DNAH9: variants seen among roughly 807,000 people sequenced by gnomAD.
DNAH9 encodes the protein dynein axonemal heavy chain 9.
A neutral mutation model predicts 471.6 loss-of-function variants in DNAH9; 345 were observed. That is an observed-to-expected ratio of 0.73 (90% CI 0.67 to 0.80). The LOEUF (loss-of-function observed/expected upper bound fraction) is 0.80, where lower values mean the gene tolerates loss of function less well. DNAH9 is among the 30% of genes least tolerant of loss of function. The pLI, the probability that DNAH9 is intolerant of heterozygous loss-of-function variation, is 0.00. For synonymous variants in DNAH9, 2,093 were observed against 2,123.6 expected, an observed-to-expected ratio of 0.99 and a Z score of 0.40; for missense variants, 5,407 against 5,609.2, an observed-to-expected ratio of 0.96 and a Z score of 1.15.
At chr17:11,774,863 TTGAG>T in intron 38 of DNAH9, among the ~76,000 whole-genome samples, 1 of 152,306 alleles carries the variant, frequency 6.6e-6, no homozygotes, top group Admixed American at 6.5e-5. Flanking sequence ...AAAAACTATA[TTGAG>T]TTATAATCGA....
At chr17:11,699,009 G>T (rs1427390856) in intron 22 of DNAH9, among the ~76,000 whole-genome samples, 1 of 152,066 alleles carries the variant, frequency 6.6e-6, no homozygotes, top group African/African-American at 2.4e-5. Flanking sequence ...CCAGCACTTT[G>T]GGAGGCCAAG....
chr17:11,951,322 C>A (rs62062003), intron 67 of DNAH9, among the ~76,000 whole-genome samples: 69,925 of 151,986 alleles, frequency 0.46, 16,429 homozygotes, highest in Middle Eastern at 0.57. Context: ...TTCTTAACCA[C>A]AGGTTGGCAA....
At chr17:11,782,734 T>C (rs941639430) in intron 39 of DNAH9, among the ~76,000 whole-genome samples, 1 of 152,036 alleles carries the variant, frequency 6.6e-6, no homozygotes, top group African/African-American at 2.4e-5. Context: ...CTGTCTCTAC[T>C]AAAAATATAA....
intron 28 of DNAH9, among the ~76,000 whole-genome samples, chr17:11,728,974 G>T (rs1043417641): frequency 2.6e-5 from 4 of 152,178 alleles, no homozygotes; most frequent in African/African-American, 9.7e-5. Flanking sequence ...CTGATGTGGT[G>T]TCTAGTGGGT....
At position 11,654,355 on chromosome 17, in the gene DNAH9, C is replaced by CA. The variant is rs527835262; in HGVS notation, c.2595+1376dup. 2.5e-3 allele frequency among the ~76,000 whole-genome samples: 28 copies of CA among 11,244 alleles called. 3 individuals carry two copies. The highest frequency in any genetic ancestry group is 0.011 in the East Asian group (4 of 372). The allele number at this position is 11,244 out of a possible 152,430, so 7.4% of individuals were successfully genotyped here. On this transcript the variant is annotated intron_variant, in intron 14 of 68. Transcript: ENST00000262442. The stretch of plus-strand genomic sequence containing the variant: ...TGGGCCACAGAGCGAGACTCCGTCT[C>CA]AAAAAAAAAAAAAAAAAAAAAAAGT...
intron 50 of DNAH9, among the ~76,000 whole-genome samples, chr17:11,861,925 T>C (rs1490017792): frequency 6.6e-6 from 1 of 151,564 alleles, no homozygotes. Flanking sequence ...ATATTAGCCC[T>C]TTGTCAGATG....
At chr17:11,912,080 C>T (rs867218025) in intron 61 of DNAH9, among the ~76,000 whole-genome samples, 14 of 152,088 alleles carry the variant, frequency 9.2e-5, no homozygotes, top group African/African-American at 1.9e-4. Context: ...TGCAGTGGCA[C>T]GATCTCAGCT....
rs375662892 is a variant in DNAH9 at position 11,821,901 on chromosome 17, G to A, written c.8708-19G>A. ...AACGAGATGCCAAGGCTGCCTATCT[G>A]TGCTCCATTTTTTCCCAGGGGAGAT... On this transcript the variant is annotated intron_variant, in intron 45 of 68. Transcript: ENST00000262442. The A allele has an allele frequency of 1.9e-6, 3 of 1,604,460 alleles. No individual in the cohort carries two copies. The highest frequency in any genetic ancestry group is 2.5e-6 in the Non-Finnish European group (3 of 1,176,732).
intron 23 of DNAH9, among the ~76,000 whole-genome samples, 200 bp downstream of exon 23, chr17:11,700,083 C>T (rs1239655058): frequency 6.6e-6 from 1 of 152,194 alleles, no homozygotes; most frequent in Non-Finnish European, 1.5e-5. Flanking sequence ...CAGGGAAGGA[C>T]ACATGTCAAC....
chr17:11,640,527 AC>A lies in DNAH9; in HGVS notation c.1901+145del, dbSNP rs2150685220. On this transcript the variant is annotated intron_variant, in intron 10 of 68. Coordinates refer to ENST00000262442, the MANE Select transcript of DNAH9 (RefSeq NM_001372.4). ...TTCCATTTCCAGCAAGGGATTAGAC[AC>A]CTATTGGCAAAACAGTCATGATATT... 8.5e-6 allele frequency: 6 copies of A among 703,958 alleles called. No homozygotes were observed. The South Asian group carries it at 9.4e-5, about 11-fold the overall frequency. 43.6% of individuals were successfully genotyped at this position (703,958 alleles called of 1,614,324 possible).
At chr17:11,661,129 T>TGTGTAACATTTTAGC (rs2073752432) in intron 14 of DNAH9, among the ~76,000 whole-genome samples, 1 of 148,344 alleles carries the variant, frequency 6.7e-6, no homozygotes, top group African/African-American at 2.6e-5. Context: ...TTATAATTAT[T>TGTGTAACATTTTAGC]ACAACTTCCT....
At chr17:11,927,370 T>C (rs543517922) in intron 62 of DNAH9, among the ~76,000 whole-genome samples, 20 of 152,372 alleles carry the variant, frequency 1.3e-4, no homozygotes, top group African/African-American at 4.8e-4. Flanking sequence ...GATTTTCTTC[T>C]AGGGTTCTTA....
intron 28 of DNAH9, among the ~76,000 whole-genome samples, chr17:11,729,295 AC>A (rs1433424408): frequency 3.3e-5 from 5 of 151,286 alleles, no homozygotes; most frequent in Middle Eastern, 3.2e-3. Flanking sequence ...CAGGCTGAGC[AC>A]CCCCCTTCTC....
intron 67 of DNAH9, among the ~76,000 whole-genome samples, chr17:11,956,263 TATA>T (rs1301560614): frequency 1.3e-5 from 2 of 152,186 alleles, no homozygotes; most frequent in Non-Finnish European, 2.9e-5. Context: ...AGGAGTATTA[TATA>T]ATAAGTCAAT....
chr17:11,897,259 A>C lies in DNAH9; in HGVS notation c.11406+2763A>C, dbSNP rs557592131. ...TTAAACTTATAGCTCATCTCAATTC[A>C]GATGCCAAATTTTCATCAAAAATAT... On this transcript the variant is annotated intron_variant, in intron 59 of 68. Transcript: ENST00000262442. Among the ~76,000 whole-genome samples the C allele has an allele frequency of 7.2e-5, 11 of 152,348 alleles. No individual in the cohort carries two copies. In the South Asian group the frequency reaches 2.3e-3, roughly 32 times the overall value.
In DNAH9 at chr17:11,652,847, A is replaced by T; in HGVS notation, c.2440A>T (p.Ile814Phe). Reference sequence around the variant, plus strand: ...GAAAACTAAAGACAATGTGGAAGAGATCCAAAACATCATGAAAACATGGGT... The same window carrying T: ...GAAAACTAAAGACAATGTGGAAGAGTTCCAAAACATCATGAAAACATGGGT... Reference protein sequence around the residue: ...IQKTKDNVEEIQNIMKTWVTP... With the variant: ...IQKTKDNVEEFQNIMKTWVTP... Residue 814 changes from isoleucine to phenylalanine, a missense_variant, in exon 14 of 69, where the codon ATC becomes TTC. Ile to Phe is a conservative substitution (Grantham distance 21). Around this residue, in one of 3 missense-constraint regions of DNAH9, gnomAD observed 4,636 missense variants for 4,900.3 expected, o/e 0.95. Coordinates refer to ENST00000262442, the MANE Select transcript of DNAH9 (RefSeq NM_001372.4). 2 of 1,614,036 alleles carry T rather than the reference A, an allele frequency of 1.2e-6. No homozygotes were observed. The highest frequency in any genetic ancestry group is 1.7e-5 in the Admixed American group (1 of 60,026).
chr17:11,902,273 GC>G (rs1231690701), intron 59 of DNAH9, among the ~76,000 whole-genome samples: 2 of 152,196 alleles, frequency 1.3e-5, no homozygotes, highest in African/African-American at 4.8e-5. Context: ...TTAAGAGTTG[GC>G]GTTAACACAG....
Position 11,661,793 on chromosome 17 carries a change from T to A in DNAH9, c.2596-3040T>A, listed in dbSNP as rs985946973. Reference sequence around the variant, plus strand: ...TATATTAATAGTAAAATATATGGTATCTATTAATATGCATATTGAGCCCCA... The same window carrying A: ...TATATTAATAGTAAAATATATGGTAACTATTAATATGCATATTGAGCCCCA... On this transcript the variant is annotated intron_variant, in intron 14 of 68. Transcript: ENST00000262442. Among the ~76,000 whole-genome samples the A allele has an allele frequency of 5.9e-5, 9 of 152,118 alleles. 1 individual carries two copies. Among genetic ancestry groups the A allele is most frequent in the African/African-American group, 2.2e-4 (9 of 41,456 alleles).
chr17:11,942,351 A>C lies in DNAH9; in HGVS notation c.12709A>C (p.Asn4237His). 1.2e-6 allele frequency: 2 copies of C among 1,614,188 alleles called. No homozygotes were observed. Among genetic ancestry groups the C allele is most frequent in the Non-Finnish European group, 1.7e-6 (2 of 1,180,022 alleles). Reference protein sequence around the residue: ...EILERVTDEFNIPELMAKVEE... With the variant: ...EILERVTDEFHIPELMAKVEE... ...ATTGGAGCGGGTGACAGACGAGTTT[A>C]ACATCCCAGAACTGATGGCCAAAGT... The change falls in exon 67 of 69, where the codon AAC becomes CAC. Residue 4237 changes from asparagine (N) to histidine (H), a missense_variant. This residue lies in a region of DNAH9 where 4,636 missense variants were observed against 4,900.3 expected (regional missense o/e 0.95). Transcript: ENST00000262442.
Sources: allele counts gnomAD v4.1 joint callset (sites outside exome capture counted in the v4.1 genomes callset), GRCh38; gene constraint gnomAD v4.1.1; regional missense constraint gnomAD v4.1.1; transcripts MANE v1.5; gene names NCBI Gene and HGNC (gene_info 2026-07-23, HGNC 2026-07-21).